The following MYO6 variants were observed in gnomAD, a reference collection of about 807,000 sequenced individuals.
The protein encoded by MYO6 is unconventional myosin-VI.
Under a neutral mutation model 178.7 loss-of-function variants are expected in MYO6, and 74 were observed. The observed-to-expected ratio is 0.41, with a 90% CI of 0.34 to 0.50. The LOEUF (loss-of-function observed/expected upper bound fraction) is 0.50. Among genes scored for constraint, MYO6 ranks in the 20% least tolerant of loss-of-function variants. The probability of loss-of-function intolerance (pLI) is 0.09; values close to 1 mark genes in which losing one functional copy is unlikely to be tolerated. For missense variants in MYO6, 1,330 were observed against 1,547.4 expected (o/e 0.86, Z 2.36); for synonymous variants, 477 against 504.6 (o/e 0.95, Z 0.73).
chr6:75,871,484 A>T (rs1247043396), intron 19 of MYO6, among the ~76,000 whole-genome samples: 1 of 152,184 alleles, frequency 6.6e-6, no homozygotes, highest in Non-Finnish European at 1.5e-5. Context: ...CCCTGGGCTC[A>T]AGTGATCTGC....
intron 9 of MYO6, among the ~76,000 whole-genome samples, chr6:75,844,210 G>C (rs748141454): frequency 6.6e-5 from 10 of 152,146 alleles, no homozygotes; most frequent in Admixed American, 2.6e-4. Context: ...GGGAGCAGTA[G>C]ATTCTTGTTG....
At chr6:75,832,409 C>T (rs1027902059) in intron 5 of MYO6, among the ~76,000 whole-genome samples, 9 of 151,982 alleles carry the variant, frequency 5.9e-5, no homozygotes, top group African/African-American at 1.9e-4. Context: ...CCCAAGTTGC[C>T]ATTATGTATT....
chr6:75,757,238 C>T (rs1174694925), intron 1 of MYO6, among the ~76,000 whole-genome samples: 1 of 145,728 alleles, frequency 6.9e-6, no homozygotes, highest in African/African-American at 2.5e-5. Context: ...CATATATAGA[C>T]ATACATACAT....
intron 16 of MYO6, 55 bp downstream of exon 16, chr6:75,862,778 A>G: frequency 6.3e-7 from 1 of 1,583,770 alleles, no homozygotes; most frequent in Non-Finnish European, 8.7e-7. Flanking sequence ...ATTATTAAAA[A>G]GGTGCATTAG....
chr6:75,893,811 G>T (rs1319322812), intron 28 of MYO6, among the ~76,000 whole-genome samples: 1 of 152,178 alleles, frequency 6.6e-6, no homozygotes, highest in Non-Finnish European at 1.5e-5. Flanking sequence ...AAGCTCTTGG[G>T]TTTGAGTCCA....
At chr6:75,826,837 CAGG>C (rs1232359680) in intron 3 of MYO6, among the ~76,000 whole-genome samples, 2 of 151,952 alleles carry the variant, frequency 1.3e-5, no homozygotes, top group African/African-American at 2.4e-5. Flanking sequence ...CGCTTGAACC[CAGG>C]AGGTGGAGGT....
intron 20 of MYO6, among the ~76,000 whole-genome samples, chr6:75,875,640 G>A (rs1043587330): frequency 1.3e-5 from 2 of 152,184 alleles, no homozygotes; most frequent in East Asian, 1.9e-4. Flanking sequence ...GGCTAGTCCC[G>A]CTGTAGAGCA....
intron 1 of MYO6, among the ~76,000 whole-genome samples, chr6:75,762,914 G>T (rs1184938730): frequency 1.3e-5 from 2 of 151,870 alleles, no homozygotes; most frequent in South Asian, 2.1e-4. Context: ...AGAGATAGGG[G>T]TCTTACTGTG....
chr6:75,873,214 G>A lies in MYO6; in HGVS notation c.1991G>A (p.Ser664Asn), dbSNP rs921126357. 6.2e-7 allele frequency: 1 copy of A among 1,613,846 alleles called. No individual in the cohort carries two copies. Among genetic ancestry groups the A allele is most frequent in the African/African-American group, 1.3e-5 (1 of 75,042 alleles). The change falls in exon 20 of 35, where the codon AGC (serine) becomes AAC (asparagine). Residue 664 changes from serine (S) to asparagine (N), a missense_variant. This residue lies in a region of MYO6 where 613 missense variants were observed against 816.8 expected (regional missense o/e 0.75). Transcript: ENST00000369977. ...LLDKLRSTGASFIRCIKPNLK... is the reference protein window; with the variant it reads ...LLDKLRSTGANFIRCIKPNLK... ...GTACCTTTATTTTCCTAGGGAGCAA[G>A]CTTTATTCGTTGCATCAAACCTAAC...
chr6:75,870,977 T>G (rs999926839), intron 19 of MYO6, among the ~76,000 whole-genome samples: 1 of 152,146 alleles, frequency 6.6e-6, no homozygotes, highest in Non-Finnish European at 1.5e-5. Flanking sequence ...GATTAAAGAT[T>G]AGTTATGAAA....
rs558580878 is a variant in MYO6, at chr6:75,815,006, G to A, written c.-47-2495G>A. On this transcript the variant is annotated intron_variant, in intron 1 of 34. Coordinates refer to ENST00000369977, the MANE Select transcript of MYO6 (RefSeq NM_004999.4). ...CTGGGCCTTAGGGACACAGAGAGGAGTAGTCCAAGTCCTGATGAAACAGAA... is the reference window on the plus strand; with the variant it reads ...CTGGGCCTTAGGGACACAGAGAGGAATAGTCCAAGTCCTGATGAAACAGAA... Among the ~76,000 whole-genome samples, 3 of 152,328 alleles carry A rather than the reference G, an allele frequency of 2.0e-5. No homozygotes were observed. In the South Asian group the frequency reaches 6.2e-4, roughly 32 times the overall value.
In MYO6 at chr6:75,914,946, T is replaced by G. The variant is rs1344895001; in HGVS notation, c.3792T>G (p.Asn1264Lys). The G allele has an allele frequency of 1.2e-6, 2 of 1,613,982 alleles. No individual in the cohort carries two copies. The highest frequency in any genetic ancestry group is 2.7e-5 in the African/African-American group (2 of 74,926). The part of the protein sequence containing the change: ...ERCGGIQYLQ[N>K]AIESRQARPT... ...GTGGAGGCATCCAGTACCTTCAGAA[T>G]GCGATTGAGAGCAGACAGGCTCGGC... The change falls in exon 35 of 35, where the codon AAT (asparagine) becomes AAG (lysine). Residue 1264 changes from asparagine (N) to lysine (K), a missense_variant. Asn to Lys is a moderately conservative substitution (Grantham distance 94). This residue lies in a region of MYO6 where 601 missense variants were observed against 626.1 expected (regional missense o/e 0.96). Coordinates refer to ENST00000369977, the MANE Select transcript of MYO6 (RefSeq NM_004999.4).
At chr6:75,876,350 A>G (rs992354331) in intron 20 of MYO6, among the ~76,000 whole-genome samples, 2 of 152,108 alleles carry the variant, frequency 1.3e-5, no homozygotes, top group African/African-American at 2.4e-5. Flanking sequence ...ATACATTCCT[A>G]TTTCCCTGGC....
chr6:75,837,880 A>G (rs1318507509), intron 7 of MYO6, among the ~76,000 whole-genome samples: 1 of 152,294 alleles, frequency 6.6e-6, no homozygotes, highest in East Asian at 1.9e-4. Flanking sequence ...AGAACAAATT[A>G]TGGGCTACCT....
chr6:75,893,647 C>T (rs755920725), intron 28 of MYO6, among the ~76,000 whole-genome samples: 8 of 152,126 alleles, frequency 5.3e-5, no homozygotes, highest in African/African-American at 1.7e-4. Context: ...AAAATAATTG[C>T]GGTTTTTGCC....
At chr6:75,772,031 A>C (rs1765946639) in intron 1 of MYO6, among the ~76,000 whole-genome samples, 1 of 152,228 alleles carries the variant, frequency 6.6e-6, no homozygotes, top group African/African-American at 2.4e-5. Flanking sequence ...TAAAATTATT[A>C]AAATGGTACA....
intron 1 of MYO6, among the ~76,000 whole-genome samples, chr6:75,749,712 G>A (rs1776681498): frequency 6.6e-6 from 1 of 152,308 alleles, no homozygotes; most frequent in Admixed American, 6.5e-5. Context: ...AGAGCACTCA[G>A]GTGCCTAACT....
intron 1 of MYO6, among the ~76,000 whole-genome samples, chr6:75,766,411 A>G (rs763734329): frequency 5.9e-5 from 9 of 152,110 alleles, no homozygotes; most frequent in Non-Finnish European, 1.3e-4. Context: ...ACATATACAG[A>G]TATATACACT....
chr6:75,817,291 T>G (rs1168154389), intron 1 of MYO6, among the ~76,000 whole-genome samples: 1 of 124,594 alleles, frequency 8.0e-6, no homozygotes, highest in Non-Finnish European at 1.6e-5. Flanking sequence ...GGTGAGAGAG[T>G]GAGATTCCGT....
Sources: gnomAD v4.1 joint callset for allele counts (sites outside exome capture counted in the v4.1 genomes callset) on GRCh38, gnomAD v4.1.1 for gene constraint, gnomAD v4.1.1 regional missense constraint, MANE v1.5 for transcripts, NCBI Gene and HGNC (gene_info 2026-07-23, HGNC 2026-07-21) for gene names.